Variants in USP35 observed in about 807,000 individuals in gnomAD.
USP35 encodes the protein ubiquitin carboxyl-terminal hydrolase 35.
In USP35, 69 loss-of-function variants were observed where a neutral mutation model predicts 83.8. The ratio of observed to expected loss-of-function variants is 0.82; its 90% CI spans 0.68 to 1.01. The LOEUF is 1.01. Ranked by LOEUF, USP35 falls within the 50% of genes least tolerant of loss-of-function variation. The probability of loss-of-function intolerance (pLI) is 0.00; values close to 1 mark genes in which losing one functional copy is unlikely to be tolerated. For missense variants in USP35, 1,503 were observed against 1,362.5 expected (o/e 1.10, Z -1.62); for synonymous variants, 714 against 589.5 (o/e 1.21, Z -3.06).
chr11:78,214,238 G>GT lies in USP35; in HGVS notation c.*426dup, dbSNP rs1565407654. ...CAGGATCCAAGCCTTGCACAAAGGG[G>GT]TGGGGGGGGCAGTGTCTCCTCTGGC... On this transcript the variant is annotated 3_prime_UTR_variant, in exon 11 of 11. Transcript: ENST00000529308. The GT allele has an allele frequency of 4.3e-5, 4 of 91,996 alleles. No individual in the cohort carries two copies. Among genetic ancestry groups the GT allele is most frequent in the Non-Finnish European group, 8.3e-5 (4 of 48,360 alleles). The allele number at this position is 91,996 out of a possible 1,614,324, so 5.7% of individuals were successfully genotyped here.
At chr11:78,193,725 G>T (rs1353363026) in intron 1 of USP35, among the ~76,000 whole-genome samples, 2 of 148,966 alleles carry the variant, frequency 1.3e-5, no homozygotes, top group African/African-American at 2.4e-5. Flanking sequence ...TCCCAGATGA[G>T]CCACATTCAA....
chr11:78,213,153 A>G (rs1177714690), intron 10 of USP35, among the ~76,000 whole-genome samples: 1 of 152,232 alleles, frequency 6.6e-6, no homozygotes, highest in East Asian at 1.9e-4. Context: ...CTGTTTTACC[A>G]GCAGCAGCCC....
At chr11:78,235,179 G>C in the USP35 span, among the ~76,000 whole-genome samples, 1 of 151,932 alleles carries the variant, frequency 6.6e-6, no homozygotes, top group South Asian at 2.1e-4. Context: ...TTGAGACAGA[G>C]TCTCACTCTG....
the USP35 span, among the ~76,000 whole-genome samples, chr11:78,232,850 T>G: frequency 1.3e-5 from 2 of 152,296 alleles, no homozygotes; most frequent in Admixed American, 1.3e-4. Context: ...TGATTCACTT[T>G]ATACCCCCTA....
At chr11:78,209,387 G>A (rs1863645366) in intron 9 of USP35, 61 bp from the exon 10 acceptor site, 5 of 1,482,176 alleles carry the variant, frequency 3.4e-6, no homozygotes, top group Admixed American at 4.8e-5. Flanking sequence ...GCATGGATAA[G>A]CTGAGTGCCC....
chr11:78,206,118 T>TG lies in USP35; in HGVS notation c.1391+88dup. The TG allele has an allele frequency of 2.1e-6, 3 of 1,457,478 alleles. No homozygotes were observed. The Admixed American group carries it at 5.6e-5, about 27-fold the overall frequency. 90.3% of individuals were successfully genotyped at this position (1,457,478 alleles called of 1,614,324 possible). A position where few individuals can be genotyped will look rare whatever the true frequency, so the allele number is the denominator to read the frequency against. The stretch of plus-strand genomic sequence containing the variant: ...ATGACAGGTGGAAAGGTGTCCGGGG[T>TG]GGGGGTTGGAGAGGGTGGGCCTTGC... On this transcript the variant is annotated intron_variant, in intron 7 of 10. Transcript: ENST00000529308.
chr11:78,225,672 C>T, the USP35 span, among the ~76,000 whole-genome samples: 6 of 152,318 alleles, frequency 3.9e-5, no homozygotes, highest in African/African-American at 1.2e-4. Flanking sequence ...GATTGAAAGA[C>T]GGCAAAGAGG....
At position 78,196,237 on chromosome 11, in the gene USP35, G is replaced by T. The variant is rs1175878349; in HGVS notation, c.-9G>T. ...GACCTCATTCCCTGTCCTCCGCAGCGCGGGCGCCATGGACAAGATCTTGGA... is the reference window on the plus strand; with the variant it reads ...GACCTCATTCCCTGTCCTCCGCAGCTCGGGCGCCATGGACAAGATCTTGGA... On this transcript the variant is annotated splice_region_variant and 5_prime_UTR_variant, in exon 2 of 11. Coordinates refer to ENST00000529308, the MANE Select transcript of USP35 (RefSeq NM_020798.4). This position sits in a 1 kb window ranked among gnomAD's most constrained non-coding sequence, Gnocchi z 4.8. The T allele has an allele frequency of 6.3e-7, 1 of 1,587,548 alleles. No individual in the cohort carries two copies. The highest frequency in any genetic ancestry group is 8.5e-7 in the Non-Finnish European group (1 of 1,173,936).
intron 6 of USP35, among the ~76,000 whole-genome samples, chr11:78,203,274 A>G (rs1295741628): frequency 1.3e-5 from 2 of 152,186 alleles, no homozygotes; most frequent in Non-Finnish European, 2.9e-5. Context: ...CGGGGACTGA[A>G]AAAGGACACT....
In USP35 at chr11:78,191,929, C is replaced by T. The variant is rs576648585; in HGVS notation, c.-11+2772C>T. 2.0e-3 allele frequency among the ~76,000 whole-genome samples: 300 copies of T among 151,440 alleles called. 3 individuals carry two copies. Among genetic ancestry groups the T allele is most frequent in the Non-Finnish European group, 8.3e-4 (56 of 67,810 alleles). On this transcript the variant is annotated intron_variant, in intron 1 of 10. Coordinates refer to ENST00000529308, the MANE Select transcript of USP35 (RefSeq NM_020798.4). Reference sequence around the variant, plus strand: ...CATGATCTCGGCTCACTGCAAGCTCCGCCTCCTGGGTTCACGCCATTCTCC... The same window carrying T: ...CATGATCTCGGCTCACTGCAAGCTCTGCCTCCTGGGTTCACGCCATTCTCC...
chr11:78,214,440 A>G lies in USP35; in HGVS notation c.*627A>G, dbSNP rs1863998334. Reference sequence around the variant, plus strand: ...AGGCCTTTGCCCCCACAGCCCCTCCACGCCTGCCTCAGGGCCTGAGAAGCC... The same window carrying G: ...AGGCCTTTGCCCCCACAGCCCCTCCGCGCCTGCCTCAGGGCCTGAGAAGCC... On this transcript the variant is annotated 3_prime_UTR_variant, in exon 11 of 11. Coordinates refer to ENST00000529308, the MANE Select transcript of USP35 (RefSeq NM_020798.4). 1 of 118,886 alleles carries G rather than the reference A, an allele frequency of 8.4e-6. No individual in the cohort carries two copies. The highest frequency in any genetic ancestry group is 1.9e-5 in the Non-Finnish European group (1 of 53,418). 7.4% of individuals were successfully genotyped at this position (118,886 alleles called of 1,614,324 possible). A position where few individuals can be genotyped will look rare whatever the true frequency, so the allele number is the denominator to read the frequency against.
chr11:78,215,718 A>G (rs544762170), downstream of USP35: 3 of 152,462 alleles, frequency 2.0e-5, no homozygotes, highest in South Asian at 4.1e-4. Context: ...CTCGGCAGGT[A>G]CCCCATTGTG....
chr11:78,210,966 G>C (rs1374823248), intron 10 of USP35, among the ~76,000 whole-genome samples: 2 of 152,178 alleles, frequency 1.3e-5, no homozygotes, highest in Non-Finnish European at 2.9e-5. Context: ...TTAAGTTCCA[G>C]GGTACATGTG....
chr11:78,219,148 T>C, downstream of USP35: 1 of 936,108 alleles, frequency 1.1e-6, no homozygotes, highest in Non-Finnish European at 1.6e-6. Context: ...TCAAGTGCTT[T>C]GAAGGCTGAG....
In USP35 at chr11:78,196,227, C is replaced by A. The variant is rs113959723; in HGVS notation, c.-10-9C>A. The A allele has an allele frequency of 0.011, 17,859 of 1,579,746 alleles. 1,670 individuals are homozygous for A. In the African/African-American group the frequency reaches 0.21, roughly 19 times the overall value. ...GTCGGGCTGTGACCTCATTCCCTGT[C>A]CTCCGCAGCGCGGGCGCCATGGACA... On this transcript the variant is annotated splice_polypyrimidine_tract_variant and intron_variant, in intron 1 of 10. Transcript: ENST00000529308. The surrounding 1 kb of genome is among the most constrained non-coding windows in gnomAD (Gnocchi z 4.8).
chr11:78,221,833 T>C, the USP35 span: 1 of 1,278,238 alleles, frequency 7.8e-7, no homozygotes, highest in South Asian at 1.2e-5. Flanking sequence ...TGCTGCCATG[T>C]TTCTAGCCTC....
In USP35 at chr11:78,208,919, C is replaced by T. The variant is rs758863433; in HGVS notation, c.1548C>T (p.Gly516=). 1 of 1,614,240 alleles carries T rather than the reference C, an allele frequency of 6.2e-7. No individual in the cohort carries two copies. The highest frequency in any genetic ancestry group is 8.5e-7 in the Non-Finnish European group (1 of 1,180,042). ...CCTGGACGCCCTGGTTCAGCCCTGG[C>T]ACCCAGCAGGACTGCTCGGAGTATC... ...SASWTPWFSP[G]TQQDCSEYLK... The change falls in exon 9 of 11, where the codon GGC becomes GGT. Residue 516 remains glycine, a synonymous_variant. Coordinates refer to ENST00000529308, the MANE Select transcript of USP35 (RefSeq NM_020798.4).
chr11:78,218,932 C>A, downstream of USP35: 1 of 228,008 alleles, frequency 4.4e-6, no homozygotes, highest in Admixed American at 5.4e-5. Context: ...GCTCAGAGCC[C>A]CAGCCCTTCC....
At chr11:78,226,596 C>G in the USP35 span, 2 of 750,294 alleles carry the variant, frequency 2.7e-6, no homozygotes, top group Admixed American at 2.3e-5. Context: ...TTCTGCCTGA[C>G]TTGGCTTGGG....
Sources: allele counts gnomAD v4.1 joint callset (sites outside exome capture counted in the v4.1 genomes callset), GRCh38; gene constraint gnomAD v4.1.1; non-coding constraint Gnocchi (gnomAD v3.1); transcripts MANE v1.5; gene names NCBI Gene and HGNC (gene_info 2026-07-23, HGNC 2026-07-21).